The following STK24 variants were observed in gnomAD, a reference collection of about 807,000 sequenced individuals.
STK24 encodes the protein serine/threonine-protein kinase 24.
In STK24, 21 loss-of-function variants were observed where a neutral mutation model predicts 55.6. The ratio of observed to expected loss-of-function variants is 0.38; its 90% confidence interval spans 0.27 to 0.54. The LOEUF (loss-of-function observed/expected upper bound fraction) is 0.54. Among genes scored for constraint, STK24 ranks in the 20% least tolerant of loss-of-function variants. The pLI is 0.79. For synonymous variants in STK24, 200 were observed against 215.2 expected (o/e 0.93, Z 0.62); for missense variants, 383 against 538.4 (o/e 0.71, Z 2.86).
intron 2 of STK24, among the ~76,000 whole-genome samples, chr13:98,507,877 GC>G (rs1341525212): frequency 2.0e-5 from 3 of 152,080 alleles, no homozygotes; most frequent in African/African-American, 7.2e-5. Context: ...CTTCCCAAAA[GC>G]CCATTGCAGA....
intron 2 of STK24, among the ~76,000 whole-genome samples, chr13:98,492,898 T>G (rs1203902364): frequency 6.6e-6 from 1 of 152,170 alleles, no homozygotes; most frequent in Non-Finnish European, 1.5e-5. Flanking sequence ...TTGCATCAGA[T>G]GCCTAAATAA....
intron 2 of STK24, among the ~76,000 whole-genome samples, chr13:98,516,382 C>A (rs761261037): frequency 1.3e-5 from 2 of 152,234 alleles, no homozygotes; most frequent in African/African-American, 4.8e-5. Flanking sequence ...ACTTTTCAAC[C>A]TGCCTGGAGG....
At chr13:98,556,327 CATT>C (rs1303412809) in intron 1 of STK24, among the ~76,000 whole-genome samples, 2 of 152,232 alleles carry the variant, frequency 1.3e-5, no homozygotes, top group African/African-American at 4.8e-5. Context: ...AGGATCACAT[CATT>C]AAGGCTGGGT....
chr13:98,547,817 A>G (rs375769763), intron 1 of STK24, among the ~76,000 whole-genome samples: 23 of 152,358 alleles, frequency 1.5e-4, no homozygotes, highest in African/African-American at 5.1e-4. Context: ...AAAATACATG[A>G]TGTGCAAGCA....
At chr13:98,528,214 T>G (rs1009311884) in intron 1 of STK24, among the ~76,000 whole-genome samples, 4 of 151,934 alleles carry the variant, frequency 2.6e-5, no homozygotes, top group Non-Finnish European at 5.9e-5. Context: ...GACCTGGGGG[T>G]TTGCCTGGCC....
chr13:98,453,219 AAG>A lies in STK24; in HGVS notation c.1260-12_1260-11del, dbSNP rs748089047. ...ACCACTTAGAGAGTATCTAGGGAAAAAGAGAGAGAGAGAAGTCAACACATGTC... is the reference window on the plus strand; with the variant it reads ...ACCACTTAGAGAGTATCTAGGGAAAAAGAGAGAGAGAAGTCAACACATGTC... On this transcript the variant is annotated splice_polypyrimidine_tract_variant and intron_variant, in intron 10 of 10. Transcript: ENST00000539966. 6.1e-4 allele frequency: 972 copies of A among 1,594,834 alleles called. 2 individuals are homozygous for A. Among genetic ancestry groups the A allele is most frequent in the Admixed American group, 1.0e-3 (61 of 59,086 alleles).
At chr13:98,492,292 G>C (rs1458753498) in intron 2 of STK24, among the ~76,000 whole-genome samples, 1 of 152,144 alleles carries the variant, frequency 6.6e-6, no homozygotes, top group Non-Finnish European at 1.5e-5. Flanking sequence ...GGAAGGATGA[G>C]AACTCCTAGA....
rs368501102 is a variant in STK24, at chr13:98,461,689, C to T, written c.1053+85G>A. ...CAGCTGCCACAAAGGACCCCAGCCG[C>T]ACCCACAGCAAGCTTCACACACAAG... On this transcript the variant is annotated intron_variant, in intron 8 of 10. Transcript: ENST00000539966. 2.6e-5 allele frequency: 41 copies of T among 1,572,646 alleles called. No individual in the cohort carries two copies. In the African/African-American group the frequency reaches 5.0e-4, roughly 19 times the overall value.
chr13:98,502,270 C>T (rs1219401490), intron 2 of STK24, among the ~76,000 whole-genome samples: 2 of 152,178 alleles, frequency 1.3e-5, no homozygotes, highest in African/African-American at 2.4e-5. Context: ...GTTCCTGGCC[C>T]GAAGCAGAGC....
chr13:98,538,924 C>T (rs1446862986), intron 1 of STK24, among the ~76,000 whole-genome samples: 3 of 152,222 alleles, frequency 2.0e-5, no homozygotes, highest in Admixed American at 2.0e-4. Flanking sequence ...GTTCTGCCCT[C>T]GCCACCTGTC....
intron 2 of STK24, among the ~76,000 whole-genome samples, chr13:98,491,183 G>A (rs75148499): frequency 0.021 from 2,998 of 145,894 alleles, 60 homozygotes; most frequent in East Asian, 0.094. Context: ...AAGCCCACCG[G>A]ACCTACACCC....
intron 3 of STK24, among the ~76,000 whole-genome samples, chr13:98,478,800 T>C (rs1251046920): frequency 9.7e-6 from 1 of 102,856 alleles, no homozygotes; most frequent in African/African-American, 3.5e-5. Flanking sequence ...TCGGATTCTC[T>C]GGCAACACTG....
intron 9 of STK24, among the ~76,000 whole-genome samples, chr13:98,458,320 T>C (rs1048296637): frequency 2.4e-4 from 36 of 152,198 alleles, no homozygotes; most frequent in African/African-American, 8.0e-4. Flanking sequence ...CTCTTTGTGA[T>C]GGACACCGCC....
chr13:98,488,720 A>C (rs1291249185), intron 2 of STK24, among the ~76,000 whole-genome samples: 2 of 152,088 alleles, frequency 1.3e-5, no homozygotes, highest in Non-Finnish European at 2.9e-5. Flanking sequence ...CCTCCTAAGA[A>C]CCCGGAATCA....
chr13:98,525,957 T>C (rs549205422), intron 1 of STK24, among the ~76,000 whole-genome samples: 1 of 152,268 alleles, frequency 6.6e-6, no homozygotes, highest in African/African-American at 2.4e-5. Context: ...CAACTTCCCC[T>C]TCTGGGGGAC....
intron 5 of STK24, 68 bp from the exon 6 acceptor site, chr13:98,466,629 G>GA: frequency 1.3e-6 from 2 of 1,511,194 alleles, no homozygotes; most frequent in Non-Finnish European, 1.8e-6. Flanking sequence ...TATTTAGGGG[G>GA]AAAATGGTAA....
At chr13:98,508,229 A>G (rs545015840) in intron 2 of STK24, among the ~76,000 whole-genome samples, 77 of 152,308 alleles carry the variant, frequency 5.1e-4, no homozygotes, top group African/African-American at 1.8e-3. Context: ...CAGGATCCCA[A>G]AAGCAGAAAT....
chr13:98,564,050 G>A (rs1364282896), intron 1 of STK24, among the ~76,000 whole-genome samples: 2 of 152,166 alleles, frequency 1.3e-5, no homozygotes, highest in Admixed American at 6.5e-5. Flanking sequence ...AAATAAATGG[G>A]GGGGAGAGAT....
At position 98,451,097 on chromosome 13, in the gene STK24, T is replaced by TA. The variant is rs1238752504; in HGVS notation, c.*2075dup. On this transcript the variant is annotated 3_prime_UTR_variant, in exon 11 of 11. Coordinates refer to ENST00000539966, the MANE Select transcript of STK24 (RefSeq NM_001032296.4). ...GTCCCTCGAGCGGCTCACCCACTGT[T>TA]ACTAGCATGAGACTGGCTTCAGTGC... The TA allele has an allele frequency of 1.3e-5, 2 of 152,194 alleles. No individual in the cohort carries two copies. Among genetic ancestry groups the TA allele is most frequent in the Non-Finnish European group, 2.9e-5 (2 of 68,036 alleles). 9.4% of individuals were successfully genotyped at this position (152,194 alleles called of 1,614,324 possible). A position where few individuals can be genotyped will look rare whatever the true frequency, so the allele number is the denominator to read the frequency against.
Sources: allele counts gnomAD v4.1 joint callset (sites outside exome capture counted in the v4.1 genomes callset), GRCh38; gene constraint gnomAD v4.1.1; transcripts MANE v1.5; gene names NCBI Gene and HGNC (gene_info 2026-07-23, HGNC 2026-07-21).